The following GRB7 variants were observed in gnomAD, a reference collection of about 807,000 sequenced individuals.
The protein encoded by GRB7 is growth factor receptor-bound protein 7.
In GRB7, 47 loss-of-function variants were observed where a neutral mutation model predicts 64.1. That is an observed-to-expected ratio of 0.73 (90% confidence interval 0.58 to 0.94). The LOEUF (loss-of-function observed/expected upper bound fraction) is 0.94. Ranked by LOEUF, GRB7 falls within the 40% of genes least tolerant of loss-of-function variation. GRB7 has a pLI of 0.00. For synonymous variants in GRB7, 277 were observed against 279.9 expected (o/e 0.99, Z 0.10); for missense variants, 634 against 718.4 (o/e 0.88, Z 1.34).
chr17:39,742,469 G>A lies in GRB7; in HGVS notation c.155+13G>A, dbSNP rs8192704. On this transcript the variant is annotated intron_variant, in intron 2 of 14. Coordinates refer to ENST00000309156, the MANE Select transcript of GRB7 (RefSeq NM_005310.5). ...CAACCACCGGCAGGTACGATGGGGC[G>A]TGGGGCTTGGGGGAGGTCAGTGCTG... The A allele has an allele frequency of 0.12, 194,645 of 1,613,072 alleles. 13,383 individuals carry two copies. Among genetic ancestry groups the A allele is most frequent in the South Asian group, 0.2 (18,264 of 91,048 alleles).
intron 6 of GRB7, 102 bp from the exon 7 acceptor site, chr17:39,743,968 G>A (rs2060020120): frequency 1.4e-6 from 2 of 1,476,538 alleles, no homozygotes; most frequent in Non-Finnish European, 1.8e-6. Context: ...ACTAGCATGA[G>A]ACCCTGTCTC....
At position 39,745,403 on chromosome 17, in the gene GRB7, C is replaced by T; in HGVS notation, c.1093-19C>T. On this transcript the variant is annotated intron_variant, in intron 10 of 14. Coordinates refer to ENST00000309156, the MANE Select transcript of GRB7 (RefSeq NM_005310.5). ...ACCTGGGCCCTGTTCTGACCTCTCT[C>T]CTCTCCTTCCATCTCCAGAGAAGTG... 9.3e-6 allele frequency: 15 copies of T among 1,612,760 alleles called. No homozygotes were observed. Among genetic ancestry groups the T allele is most frequent in the Non-Finnish European group, 1.3e-5 (15 of 1,178,852 alleles).
intron 2 of GRB7, 44 bp downstream of exon 2, chr17:39,742,500 T>C (rs2060004171): frequency 6.2e-7 from 1 of 1,612,744 alleles, no homozygotes. Flanking sequence ...TGCTGGATAA[T>C]ACACAGAGGC....
intron 14 of GRB7, among the ~76,000 whole-genome samples, 172 bp from the exon 15 acceptor site, chr17:39,746,579 A>C (rs930031093): frequency 2.0e-5 from 3 of 151,788 alleles, no homozygotes; most frequent in African/African-American, 7.3e-5. Context: ...TGGCACCACC[A>C]CACTCCAGCC....
chr17:39,744,678 AGGCCTGGCCCCTGGCCT>A lies in GRB7; in HGVS notation c.912+18_912+34del. 6.3e-7 allele frequency: 1 copy of A among 1,585,584 alleles called. No homozygotes were observed. Among genetic ancestry groups the A allele is most frequent in the Non-Finnish European group, 8.6e-7 (1 of 1,164,790 alleles). On this transcript the variant is annotated intron_variant, in intron 8 of 14. Coordinates refer to ENST00000309156, the MANE Select transcript of GRB7 (RefSeq NM_005310.5). ...TCTGTGTCAAGGTGAAGACCTGGCC[AGGCCTGGCCCCTGGCCT>A]GGGGAAGCAGGAACTGCTCAGGCCC...
intron 1 of GRB7, chr17:39,738,625 G>A (rs1281578381): frequency 1.4e-5 from 5 of 353,674 alleles, no homozygotes; most frequent in East Asian, 4.5e-5. Context: ...CTGAGAATGG[G>A]AAGGAAGACC....
In GRB7 at chr17:39,746,735, C is replaced by A; in HGVS notation, c.1453-16C>A. 6.2e-7 allele frequency: 1 copy of A among 1,613,312 alleles called. No individual in the cohort carries two copies. The highest frequency in any genetic ancestry group is 2.2e-5 in the East Asian group (1 of 44,846). Reference sequence around the variant, plus strand: ...GGGCCCCTCCCTGAACTTCCACCCCCTTTACTGTACCCCAGAGCGAGGAGG... The same window carrying A: ...GGGCCCCTCCCTGAACTTCCACCCCATTTACTGTACCCCAGAGCGAGGAGG... On this transcript the variant is annotated splice_polypyrimidine_tract_variant and intron_variant, in intron 14 of 14. Transcript: ENST00000309156.
chr17:39,744,305 G>A, intron 7 of GRB7, 98 bp downstream of exon 7: 1 of 1,422,622 alleles, frequency 7.0e-7, no homozygotes, highest in Non-Finnish European at 9.7e-7. Flanking sequence ...TCTCCCCCTG[G>A]GCCCCCCAGG....
Position 39,747,152 on chromosome 17 carries a change from G to A in GRB7, c.*255G>A, listed in dbSNP as rs982783448. The A allele has an allele frequency of 1.7e-5, 9 of 519,634 alleles. No individual in the cohort carries two copies. The highest frequency in any genetic ancestry group is 1.1e-4 in the Admixed American group (3 of 28,478). The allele number at this position is 519,634 out of a possible 1,614,324, so 32.2% of individuals were successfully genotyped here. ...TCCTTCTCCTAGCTCTGGAGGTGCT[G>A]CTCTAGGGCAGGGAATTATGGGAGA... On this transcript the variant is annotated 3_prime_UTR_variant, in exon 15 of 15. Transcript: ENST00000309156.
rs777044188 is a variant in GRB7, at chr17:39,745,539, G to A, written c.1209+1G>A. 6.2e-7 allele frequency: 1 copy of A among 1,608,622 alleles called. No individual in the cohort carries two copies. The highest frequency in any genetic ancestry group is 1.7e-5 in the Admixed American group (1 of 60,012). On this transcript the variant is annotated splice_donor_variant, in intron 11 of 14. Transcript: ENST00000309156. LOFTEE classifies it high-confidence loss of function. ...CCTGGAGGAGGCCCAGGCCTGGAGG[G>A]TGAGGCCTGCTGTGTGTGTGTGTGT...
Position 39,743,474 on chromosome 17 carries a change from G to A in GRB7, c.663+4G>A, listed in dbSNP as rs765692978. On this transcript the variant is annotated splice_donor_region_variant and intron_variant, in intron 6 of 14. Coordinates refer to ENST00000309156, the MANE Select transcript of GRB7 (RefSeq NM_005310.5). ...ATCCCATGAAGACCTCATCCAGGTG[G>A]GGGGACCCCCCATTTCACTGCAGAT... 1.2e-6 allele frequency: 2 copies of A among 1,613,182 alleles called. No homozygotes were observed. The highest frequency in any genetic ancestry group is 3.3e-5 in the Admixed American group (2 of 59,990).
At chr17:39,741,569 C>T (rs554371551) in intron 1 of GRB7, among the ~76,000 whole-genome samples, 19 of 152,360 alleles carry the variant, frequency 1.2e-4, no homozygotes, top group African/African-American at 3.6e-4. Context: ...CACAGCCCAG[C>T]GCAGTGAGTG....
rs143270131 is a variant in GRB7, at chr17:39,743,442, C to T, written c.635C>T (p.Thr212Ile). ...KMVSSCLDAH[T>I]GISHEDLIQN... ...GTCTCCAGCTGTCTCGATGCACACA[C>T]TGGTATATCCCATGAAGACCTCATC... Residue 212 changes from threonine to isoleucine, a missense_variant, in exon 6 of 15, where the codon ACT (threonine) becomes ATT (isoleucine). Thr to Ile is a moderately conservative substitution (Grantham distance 89). This residue lies in a region of GRB7 where 467 missense variants were observed against 576.6 expected (regional missense o/e 0.81). Coordinates refer to ENST00000309156, the MANE Select transcript of GRB7 (RefSeq NM_005310.5). 25 of 1,614,060 alleles carry T rather than the reference C, an allele frequency of 1.5e-5. No individual in the cohort carries two copies. Among genetic ancestry groups the T allele is most frequent in the Non-Finnish European group, 1.9e-5 (23 of 1,180,000 alleles).
chr17:39,745,144 C>T, intron 9 of GRB7, 99 bp from the exon 10 acceptor site: 3 of 1,206,130 alleles, frequency 2.5e-6, no homozygotes, highest in Non-Finnish European at 3.5e-6. Context: ...AAGGCAGAAA[C>T]ACAGCCCTGG....
At chr17:39,739,125 A>G (rs1234673781) in intron 1 of GRB7, 3 of 453,892 alleles carry the variant, frequency 6.6e-6, no homozygotes, top group African/African-American at 6.3e-5. Context: ...GAATGAATGC[A>G]TCTGCCGGCA....
rs555837751 is a variant in GRB7 at position 39,743,966 on chromosome 17, G to T, written c.664-104G>T. ...TGTGATCGTGCCACCGCACTAGCAT[G>T]AGACCCTGTCTCAAAAAGAAAAAGA... On this transcript the variant is annotated intron_variant, in intron 6 of 14. Transcript: ENST00000309156. The T allele has an allele frequency of 1.0e-3, 1,491 of 1,462,090 alleles. 3 individuals carry two copies. Among genetic ancestry groups the T allele is most frequent in the Non-Finnish European group, 1.3e-3 (1,360 of 1,077,954 alleles). 90.6% of individuals were successfully genotyped at this position (1,462,090 alleles called of 1,614,324 possible).
rs2060037861 is a variant in GRB7 at position 39,745,553 on chromosome 17, G to A, written c.1209+15G>A. 1.3e-6 allele frequency: 2 copies of A among 1,590,772 alleles called. No individual in the cohort carries two copies. The highest frequency in any genetic ancestry group is 2.2e-5 in the East Asian group (1 of 44,726). On this transcript the variant is annotated intron_variant, in intron 11 of 14. Transcript: ENST00000309156. Reference sequence around the variant, plus strand: ...AGGCCTGGAGGGTGAGGCCTGCTGTGTGTGTGTGTGTTTGTGCTGGGGACC... The same window carrying A: ...AGGCCTGGAGGGTGAGGCCTGCTGTATGTGTGTGTGTTTGTGCTGGGGACC...
chr17:39,742,841 A>T lies in GRB7; in HGVS notation c.307-57A>T, dbSNP rs768308763. 3.9e-6 allele frequency: 6 copies of T among 1,539,180 alleles called. No homozygotes were observed. The Admixed American group carries it at 1.2e-4, about 31-fold the overall frequency. ...TCCCTGAGGGTCTAGCAGGTGCGGA[A>T]AGGGAATGAATCACCCTTTGCCTCC... is the stretch of plus-strand genomic sequence containing the variant. On this transcript the variant is annotated intron_variant, in intron 3 of 14. Coordinates refer to ENST00000309156, the MANE Select transcript of GRB7 (RefSeq NM_005310.5).
rs760157376 is a variant in GRB7, at chr17:39,744,091, T to G, written c.685T>G (p.Phe229Val). 6 of 1,614,170 alleles carry G rather than the reference T, an allele frequency of 3.7e-6. No homozygotes were observed. In the Middle Eastern group the frequency reaches 6.6e-4, roughly 178 times the overall value. The change falls in exon 7 of 15, where the codon TTT (phenylalanine) becomes GTT (valine). Residue 229 changes from phenylalanine (F) to valine (V), a missense_variant. Transcript: ENST00000309156. ...LIQNFLNAGS[F>V]PEIQGFLQLR... ...TCAGAACTTCCTGAATGCTGGCAGC[T>G]TTCCTGAGATCCAGGGCTTTCTGCA...
Sources: allele counts gnomAD v4.1 joint callset (sites outside exome capture counted in the v4.1 genomes callset), GRCh38; gene constraint gnomAD v4.1.1; regional missense constraint gnomAD v4.1.1; transcripts MANE v1.5; gene names NCBI Gene and HGNC (gene_info 2026-07-23, HGNC 2026-07-21).